Variants in AMZ1 observed in about 807,000 individuals in gnomAD.
The protein encoded by AMZ1 is archaelysin family metallopeptidase 1.
AMZ1 carries 39 observed loss-of-function variants against 29.9 expected under a neutral mutation model. The observed-to-expected ratio is 1.30, with a 90% CI of 1.01 to 1.70. The LOEUF (loss-of-function observed/expected upper bound fraction) is 1.70. Among genes scored for constraint, AMZ1 ranks in the 40% most tolerant of loss-of-function variants. The probability of loss-of-function intolerance (pLI) is 0.00; values close to 1 mark genes in which losing one functional copy is unlikely to be tolerated. For missense variants in AMZ1, 1,041 were observed against 680.6 expected, an observed-to-expected ratio of 1.53 and a Z score of -5.89; for synonymous variants, 458 against 304.0, an observed-to-expected ratio of 1.51 and a Z score of -5.27.
intron 4 of AMZ1, among the ~76,000 whole-genome samples, chr7:2,725,310 G>A (rs1789574185): frequency 6.6e-6 from 1 of 152,210 alleles, no homozygotes. Flanking sequence ...TCCTAGAAGG[G>A]GCTGCCCTGG....
Position 2,718,759 on chromosome 7 carries a change from G to A in AMZ1, c.*5881G>A, listed in dbSNP as rs117249177. Among the ~76,000 whole-genome samples, 2,524 of 152,298 alleles carry A rather than the reference G, an allele frequency of 0.017. 24 individuals are homozygous for A. Among genetic ancestry groups the A allele is most frequent in the Middle Eastern group, 0.027 (8 of 294 alleles). On this transcript the variant is annotated 3_prime_UTR_variant, in exon 7 of 7. Coordinates refer to ENST00000683327, the MANE Select transcript of AMZ1 (RefSeq NM_001384743.1). ...CTTGGTCTTGTGGTCAGGGAGAAGC[G>A]GGCAGGCCAGGGCCGAGCTGCGTCC...
chr7:2,750,688 C>T (rs538791146), intron 4 of AMZ1, among the ~76,000 whole-genome samples: 2 of 152,296 alleles, frequency 1.3e-5, no homozygotes, highest in South Asian at 4.1e-4. Context: ...GGTGAAGCCA[C>T]GGACACGGGG....
At chr7:2,686,291 G>T (rs1268480554), upstream of AMZ1, among the ~76,000 whole-genome samples, 1 of 152,138 alleles carries the variant, frequency 6.6e-6, no homozygotes, top group Non-Finnish European at 1.5e-5. Flanking sequence ...TCAACATTTT[G>T]GGAGGCCGAG....
At chr7:2,711,201 G>A (rs923601772) in intron 6 of AMZ1, among the ~76,000 whole-genome samples, 5 of 152,174 alleles carry the variant, frequency 3.3e-5, no homozygotes, top group Non-Finnish European at 5.9e-5. Context: ...GGGTGGCCTG[G>A]CCCTCCTGGC....
chr7:2,752,655 C>T (rs1049823191), intron 4 of AMZ1, among the ~76,000 whole-genome samples: 1 of 152,138 alleles, frequency 6.6e-6, no homozygotes, highest in Non-Finnish European at 1.5e-5. Flanking sequence ...TACATACTGC[C>T]AATAACCCAA....
Position 2,700,297 on chromosome 7 carries a change from A to T in AMZ1, c.-155A>T. 3 of 836,198 alleles carry T rather than the reference A, an allele frequency of 3.6e-6. No homozygotes were observed. The highest frequency in any genetic ancestry group is 5.4e-6 in the Non-Finnish European group (3 of 551,640). 51.8% of individuals were successfully genotyped at this position (836,198 alleles called of 1,614,324 possible). A position where few individuals can be genotyped will look rare whatever the true frequency, so the allele number is the denominator to read the frequency against. The stretch of plus-strand genomic sequence containing the variant: ...CCAGGACCAGGCAGAGCTGGGCCTT[A>T]AGGGCCCTTGGACCAGTGTCTGTCT... On this transcript the variant is annotated 5_prime_UTR_variant, in exon 2 of 7. An upstream open reading frame in the 5' UTR gains an earlier in-frame stop. Transcript: ENST00000683327.
chr7:2,728,706 A>C (rs1789731369), intron 4 of AMZ1: 1 of 149,036 alleles, frequency 6.7e-6, no homozygotes, highest in Admixed American at 6.7e-5. Flanking sequence ...CTGGAGACAA[A>C]ACTGACTAGA....
At chr7:2,710,298 G>A (rs1788689179) in intron 6 of AMZ1, among the ~76,000 whole-genome samples, 1 of 152,236 alleles carries the variant, frequency 6.6e-6, no homozygotes, top group Non-Finnish European at 1.5e-5. Context: ...GGGTTGCCGA[G>A]CAAAGGGCTC....
At chr7:2,744,318 A>G (rs1428613804) in intron 4 of AMZ1, among the ~76,000 whole-genome samples, 1 of 152,180 alleles carries the variant, frequency 6.6e-6, no homozygotes, top group Non-Finnish European at 1.5e-5. Context: ...CTCTGAGACA[A>G]AACTTCCAGA....
At chr7:2,742,482 T>G (rs546533550) in intron 4 of AMZ1, among the ~76,000 whole-genome samples, 5 of 152,338 alleles carry the variant, frequency 3.3e-5, no homozygotes, top group African/African-American at 1.2e-4. Context: ...CCTGCTCCTG[T>G]TTATCTCATC....
At position 2,713,016 on chromosome 7, in the gene AMZ1, C is replaced by T; in HGVS notation, c.*138C>T. ...GTGGCTCAGGCCTGTCATCCCATCACTTTGAGAGGCCAGGAGTTTGAGACC... is the reference window on the plus strand; with the variant it reads ...GTGGCTCAGGCCTGTCATCCCATCATTTTGAGAGGCCAGGAGTTTGAGACC... On this transcript the variant is annotated 3_prime_UTR_variant, in exon 7 of 7. Transcript: ENST00000683327. 1.1e-6 allele frequency: 1 copy of T among 949,782 alleles called. No homozygotes were observed. The highest frequency in any genetic ancestry group is 3.8e-5 in the Admixed American group (1 of 26,170). 58.8% of individuals were successfully genotyped at this position (949,782 alleles called of 1,614,324 possible). A position where few individuals can be genotyped will look rare whatever the true frequency, so the allele number is the denominator to read the frequency against.
chr7:2,751,145 T>C (rs1791015399), intron 4 of AMZ1, among the ~76,000 whole-genome samples: 1 of 152,058 alleles, frequency 6.6e-6, no homozygotes, highest in African/African-American at 2.4e-5. Context: ...CCCAGCACTT[T>C]AGGAGGCTGA....
In AMZ1 at chr7:2,749,494, C is replaced by G. The variant is rs191970431; in HGVS notation, n.551-15218C>G. On this transcript the variant is annotated intron_variant and non_coding_transcript_variant, in intron 4 of 4. Coordinates refer to the AMZ1 transcript ENST00000489665. ...CATGGACACGGGAAGGGGAACATCA[C>G]ACACCGGGGACTATTGTGGGGTAGG... 9.3e-4 allele frequency among the ~76,000 whole-genome samples: 132 copies of G among 142,682 alleles called. 1 individual carries two copies. The highest frequency in any genetic ancestry group is 3.4e-3 in the African/African-American group (127 of 37,712). The allele number at this position is 142,682 out of a possible 152,430, so 93.6% of individuals were successfully genotyped here.
intron 6 of AMZ1, 97 bp downstream of exon 6, chr7:2,709,913 C>G (rs1788657698): frequency 1.5e-5 from 22 of 1,502,424 alleles, no homozygotes; most frequent in Non-Finnish European, 1.9e-5. Flanking sequence ...GGACCGCACA[C>G]AGGCTTTGTC....
At chr7:2,707,286 A>G (rs949876402) in intron 3 of AMZ1, among the ~76,000 whole-genome samples, 1 of 151,484 alleles carries the variant, frequency 6.6e-6, no homozygotes, top group Non-Finnish European at 1.5e-5. Flanking sequence ...CAAAAAAAAA[A>G]AACAAAAAAA....
chr7:2,725,640 T>C (rs1253215586), intron 4 of AMZ1, among the ~76,000 whole-genome samples: 1 of 152,098 alleles, frequency 6.6e-6, no homozygotes, highest in Non-Finnish European at 1.5e-5. Flanking sequence ...GAGCAGCACG[T>C]CCACACCCTG....
At position 2,718,794 on chromosome 7, in the gene AMZ1, G is replaced by T. The variant is rs1197175681; in HGVS notation, c.*5916G>T. Among the ~76,000 whole-genome samples the T allele has an allele frequency of 6.6e-6, 1 of 152,292 alleles. No homozygotes were observed. The highest frequency in any genetic ancestry group is 2.1e-4 in the South Asian group (1 of 4,830). On this transcript the variant is annotated 3_prime_UTR_variant, in exon 7 of 7. Coordinates refer to ENST00000683327, the MANE Select transcript of AMZ1 (RefSeq NM_001384743.1). ...GGGCCGAGCTGCGTCCGGCTCTCAG[G>T]GACTTCCTCTCCCTGTGCTCTGCCC... is the stretch of plus-strand genomic sequence containing the variant.
At chr7:2,723,780 G>T (rs1395669204), downstream of AMZ1, among the ~76,000 whole-genome samples, 2 of 152,216 alleles carry the variant, frequency 1.3e-5, no homozygotes, top group African/African-American at 4.8e-5. Flanking sequence ...CTCCCTCTGC[G>T]CCTGGAGCTA....
chr7:2,704,526 G>T (rs1277674984), intron 3 of AMZ1, among the ~76,000 whole-genome samples: 2 of 143,816 alleles, frequency 1.4e-5, no homozygotes, highest in Non-Finnish European at 1.5e-5. Flanking sequence ...CCTAATTTCA[G>T]TTGTCATGTT....
Sources: gnomAD v4.1 joint callset for allele counts (sites outside exome capture counted in the v4.1 genomes callset) on GRCh38, gnomAD v4.1.1 for gene constraint, MANE v1.5 for transcripts, NCBI Gene and HGNC (gene_info 2026-07-23, HGNC 2026-07-21) for gene names.